The following SGCZ variants were observed in gnomAD, a reference collection of about 807,000 sequenced individuals.
The protein encoded by SGCZ is sarcoglycan zeta.
Under a neutral mutation model 41.3 loss-of-function variants are expected in SGCZ, and 40 were observed. The observed-to-expected ratio is 0.97, with a 90% CI of 0.75 to 1.26. The LOEUF (loss-of-function observed/expected upper bound fraction) is 1.26, where lower values mean the gene tolerates loss of function less well. SGCZ is among the 50% of genes most tolerant of loss of function. The pLI is 0.00. For missense variants in SGCZ, 552 were observed against 369.8 expected, an observed-to-expected ratio of 1.49 and a Z score of -4.04; for synonymous variants, 206 against 137.5, an observed-to-expected ratio of 1.50 and a Z score of -3.49.
intron 1 of SGCZ, among the ~76,000 whole-genome samples, chr8:14,896,062 T>TA (rs564901795): frequency 1.5e-3 from 227 of 152,310 alleles, no homozygotes; most frequent in African/African-American, 5.1e-3. Context: ...GCTAACAATA[T>TA]AAATTAAAAT....
chr8:14,711,322 T>C (rs1319522047), intron 1 of SGCZ, among the ~76,000 whole-genome samples: 2 of 151,516 alleles, frequency 1.3e-5, no homozygotes, highest in East Asian at 3.9e-4. Context: ...AGGCGCTGTG[T>C]CTCACACCTG....
intron 1 of SGCZ, among the ~76,000 whole-genome samples, chr8:15,016,208 T>C (rs1803027476): frequency 6.6e-6 from 1 of 152,126 alleles, no homozygotes; most frequent in Non-Finnish European, 1.5e-5. Context: ...ACCTGCCCCA[T>C]TCCATCCCTT....
intron 1 of SGCZ, among the ~76,000 whole-genome samples, chr8:14,645,886 G>T (rs1016056662): frequency 6.6e-6 from 1 of 151,622 alleles, no homozygotes; most frequent in Admixed American, 6.6e-5. Context: ...AAATTGAAGT[G>T]TTCCATAATG....
chr8:14,274,139 T>A (rs1274174112), intron 3 of SGCZ, among the ~76,000 whole-genome samples: 1 of 152,164 alleles, frequency 6.6e-6, no homozygotes, highest in Non-Finnish European at 1.5e-5. Context: ...AAACTAGAGT[T>A]TTGAGTACAC....
intron 1 of SGCZ, among the ~76,000 whole-genome samples, chr8:14,970,360 C>A (rs755149480): frequency 2.0e-5 from 3 of 152,064 alleles, no homozygotes; most frequent in Non-Finnish European, 2.9e-5. Flanking sequence ...AAATAATTTG[C>A]TCCTTGGTAG....
chr8:14,946,079 T>TCTGTCCTA (rs1184795611), intron 1 of SGCZ, among the ~76,000 whole-genome samples: 1 of 130,834 alleles, frequency 7.6e-6, no homozygotes, highest in Non-Finnish European at 1.6e-5. Context: ...TACTATTGGT[T>TCTGTCCTA]CTGTCCTATA....
intron 1 of SGCZ, among the ~76,000 whole-genome samples, chr8:15,131,939 A>T (rs546565215): frequency 1.6e-4 from 24 of 152,366 alleles, no homozygotes; most frequent in Non-Finnish European, 2.5e-4. Context: ...TATGAAATGA[A>T]TGTTTGCATG....
chr8:14,835,989 T>G (rs911154298), intron 1 of SGCZ, among the ~76,000 whole-genome samples: 12 of 152,168 alleles, frequency 7.9e-5, no homozygotes, highest in African/African-American at 2.9e-4. Flanking sequence ...GCCCAGCACG[T>G]GAGACTTGAA....
At chr8:15,174,835 C>A (rs911297251) in intron 1 of SGCZ, among the ~76,000 whole-genome samples, 3 of 152,132 alleles carry the variant, frequency 2.0e-5, no homozygotes, top group Admixed American at 6.5e-5. Context: ...TTGGCTATTA[C>A]TAAAAACATA....
chr8:15,142,333 G>C (rs1295941889), intron 1 of SGCZ, among the ~76,000 whole-genome samples: 1 of 152,092 alleles, frequency 6.6e-6, no homozygotes, highest in South Asian at 2.1e-4. Context: ...TAATGCTTGA[G>C]TAATTAATTA....
chr8:15,083,529 C>A (rs901750807), intron 1 of SGCZ, among the ~76,000 whole-genome samples: 1 of 151,890 alleles, frequency 6.6e-6, no homozygotes, highest in Non-Finnish European at 1.5e-5. Flanking sequence ...TTTGCTATTT[C>A]TATATATGAG....
intron 1 of SGCZ, among the ~76,000 whole-genome samples, chr8:14,920,754 G>T (rs956922584): frequency 6.6e-6 from 1 of 152,114 alleles, no homozygotes; most frequent in African/African-American, 2.4e-5. Flanking sequence ...CTATCATTAG[G>T]ATACTTAATT....
intron 1 of SGCZ, among the ~76,000 whole-genome samples, chr8:14,566,610 T>A (rs764695100): frequency 6.6e-6 from 1 of 152,250 alleles, no homozygotes; most frequent in Non-Finnish European, 1.5e-5. Flanking sequence ...AAATGACTGA[T>A]GCTACCTTCT....
chr8:15,003,588 C>G (rs115001859), intron 1 of SGCZ, among the ~76,000 whole-genome samples: 9 of 151,952 alleles, frequency 5.9e-5, no homozygotes, highest in African/African-American at 2.2e-4. Flanking sequence ...ATAAATAGAC[C>G]AAACTATTAA....
At chr8:15,147,275 C>A (rs114976895) in intron 1 of SGCZ, among the ~76,000 whole-genome samples, 1 of 151,950 alleles carries the variant, frequency 6.6e-6, no homozygotes, top group Non-Finnish European at 1.5e-5. Context: ...AAAAGGACAT[C>A]GCTGTTTTGT....
At chr8:14,672,894 T>C (rs992752525) in intron 1 of SGCZ, among the ~76,000 whole-genome samples, 1 of 152,208 alleles carries the variant, frequency 6.6e-6, no homozygotes, top group Non-Finnish European at 1.5e-5. Flanking sequence ...TTAGCCTTTC[T>C]GGGTCACATG....
At chr8:15,125,540 A>G (rs1396061643) in intron 1 of SGCZ, among the ~76,000 whole-genome samples, 1 of 152,144 alleles carries the variant, frequency 6.6e-6, no homozygotes, top group Non-Finnish European at 1.5e-5. Flanking sequence ...TTACTAACTT[A>G]CTAGCTTTCG....
intron 1 of SGCZ, among the ~76,000 whole-genome samples, chr8:14,601,316 C>G (rs1484984914): frequency 6.6e-6 from 1 of 152,016 alleles, no homozygotes; most frequent in African/African-American, 2.4e-5. Context: ...TTCCAGTCCA[C>G]AGTTTCTTCT....
At chr8:14,708,812 A>AGTGT (rs61049816) in intron 1 of SGCZ, among the ~76,000 whole-genome samples, 29,463 of 148,546 alleles carry the variant, frequency 0.2, 3,373 homozygotes, top group East Asian at 0.32. Flanking sequence ...GTTTTATTCG[A>AGTGT]GTGTGTGTGT....
Sources: gnomAD v4.1 joint callset for allele counts (sites outside exome capture counted in the v4.1 genomes callset) on GRCh38, gnomAD v4.1.1 for gene constraint, MANE v1.5 for transcripts, NCBI Gene and HGNC (gene_info 2026-07-23, HGNC 2026-07-21) for gene names.